INTU: variants seen among roughly 807,000 people sequenced by gnomAD.
INTU encodes the protein protein inturned.
A neutral mutation model predicts 100.5 loss-of-function variants in INTU; 68 were observed. The ratio of observed to expected loss-of-function variants is 0.68; its 90% CI spans 0.56 to 0.83. INTU has a LOEUF of 0.83. INTU is among the 40% of genes least tolerant of loss of function. The pLI is 0.00. For synonymous variants in INTU, 357 were observed against 395.7 expected, an observed-to-expected ratio of 0.90 and a Z score of 1.16; for missense variants, 1,071 against 1,114.7, an observed-to-expected ratio of 0.96 and a Z score of 0.56.
chr4:127,706,974 G>T lies in INTU; in HGVS notation c.2271+5G>T, dbSNP rs758040010. 1 of 1,607,890 alleles carries T rather than the reference G, an allele frequency of 6.2e-7. No individual in the cohort carries two copies. ...GAAAGTGGGACCTTGCTTAAGGTGT[G>T]TGCTTATTCAAGTGTGTATGTTCTG... is the stretch of plus-strand genomic sequence containing the variant. On this transcript the variant is annotated splice_donor_5th_base_variant and intron_variant, in intron 12 of 15. Transcript: ENST00000335251.
intron 9 of INTU, among the ~76,000 whole-genome samples, chr4:127,703,119 A>ATGCTAAGT (rs1730721005): frequency 6.6e-6 from 1 of 152,206 alleles, no homozygotes; most frequent in Non-Finnish European, 1.5e-5. Flanking sequence ...GCTTTAACTT[A>ATGCTAAGT]GCATAAATGG....
At chr4:127,713,000 G>C (rs1731147341) in intron 14 of INTU, among the ~76,000 whole-genome samples, 1 of 152,342 alleles carries the variant, frequency 6.6e-6, no homozygotes. Flanking sequence ...AGCAAACTGA[G>C]TGAGAAGAAA....
intron 2 of INTU, among the ~76,000 whole-genome samples, chr4:127,650,414 C>T (rs1727797044): frequency 6.9e-6 from 1 of 144,978 alleles, no homozygotes; most frequent in Non-Finnish European, 1.5e-5. Context: ...TGATGTTCCC[C>T]TTCCTGTGTC....
chr4:127,645,831 T>C (rs1227300458), intron 2 of INTU, among the ~76,000 whole-genome samples: 1 of 152,046 alleles, frequency 6.6e-6, no homozygotes, highest in African/African-American at 2.4e-5. Flanking sequence ...CACAAAGTGC[T>C]GGGATTACAG....
At chr4:127,647,310 G>A (rs1160119454) in intron 2 of INTU, among the ~76,000 whole-genome samples, 1 of 152,146 alleles carries the variant, frequency 6.6e-6, no homozygotes, top group African/African-American at 2.4e-5. Context: ...AAATCAAGGT[G>A]TCCACAGGGC....
intron 6 of INTU, among the ~76,000 whole-genome samples, chr4:127,679,788 C>T (rs1322925432): frequency 3.3e-5 from 5 of 151,250 alleles, no homozygotes; most frequent in African/African-American, 4.9e-5. Flanking sequence ...ACACAAAAAA[C>T]CCTTCAAAAA....
At chr4:127,674,647 C>T (rs1729089663) in intron 6 of INTU, among the ~76,000 whole-genome samples, 1 of 152,144 alleles carries the variant, frequency 6.6e-6, no homozygotes, top group Admixed American at 6.5e-5. Flanking sequence ...TCTAAAGTGA[C>T]TTCTCTAATG....
At chr4:127,690,973 C>G (rs1231307728) in intron 8 of INTU, among the ~76,000 whole-genome samples, 1 of 152,032 alleles carries the variant, frequency 6.6e-6, no homozygotes, top group Non-Finnish European at 1.5e-5. Flanking sequence ...GTTTCACAGC[C>G]CCAGAAATCC....
intron 15 of INTU, among the ~76,000 whole-genome samples, chr4:127,715,232 G>A (rs1346551610): frequency 6.6e-6 from 1 of 152,124 alleles, no homozygotes; most frequent in Non-Finnish European, 1.5e-5. Context: ...TTAAGTGAAA[G>A]ATCAAGTTGG....
At position 127,721,415 on chromosome 4, in the gene INTU, A is replaced by T. The variant is rs1423948713; in HGVS notation, c.*4979A>T. The T allele has an allele frequency of 6.6e-6, 1 of 151,842 alleles. No individual in the cohort carries two copies. Among genetic ancestry groups the T allele is most frequent in the Non-Finnish European group, 1.5e-5 (1 of 67,974 alleles). The allele number at this position is 151,842 out of a possible 1,614,324, so 9.4% of individuals were successfully genotyped here. A position where few individuals can be genotyped will look rare whatever the true frequency, so the allele number is the denominator to read the frequency against. On this transcript the variant is annotated 3_prime_UTR_variant, in exon 16 of 16. Transcript: ENST00000335251. ...GACTGCCCTTAACATTTTTTCCTTC[A>T]TTTCAGTCTTGGAGAATCTGATGAT...
intron 6 of INTU, among the ~76,000 whole-genome samples, chr4:127,677,914 C>A (rs1729307718): frequency 1.3e-5 from 2 of 152,260 alleles, no homozygotes; most frequent in African/African-American, 4.8e-5. Context: ...AAAGGAGCTG[C>A]TGGAGTGGAA....
Position 127,674,187 on chromosome 4 carries a change from G to A in INTU, c.1155G>A (p.Leu385=), listed in dbSNP as rs1251759862. 11 of 1,611,826 alleles carry A rather than the reference G, an allele frequency of 6.8e-6. No individual in the cohort carries two copies. Among genetic ancestry groups the A allele is most frequent in the Non-Finnish European group, 9.3e-6 (11 of 1,178,988 alleles). ...CTTATTGGAAAGAATCTGACAAGTT[G>A]TTGCTAATTGGCCTGCCTGCTGAAG... is the stretch of plus-strand genomic sequence containing the variant. ...HVAYWKESDK[L]LLIGLPAEEV... The change falls in exon 6 of 16, where the codon TTG becomes TTA. Residue 385 remains leucine, a synonymous_variant. Coordinates refer to ENST00000335251, the MANE Select transcript of INTU (RefSeq NM_015693.4).
intron 8 of INTU, among the ~76,000 whole-genome samples, chr4:127,689,986 C>T (rs965198440): frequency 3.9e-5 from 6 of 152,116 alleles, no homozygotes; most frequent in Admixed American, 6.6e-5. Flanking sequence ...TAGGTTCTTG[C>T]CCCTCTGTCA....
intron 3 of INTU, among the ~76,000 whole-genome samples, chr4:127,658,920 G>C (rs1702168388): frequency 6.6e-6 from 1 of 152,054 alleles, no homozygotes. Flanking sequence ...CCCTGAGCTT[G>C]TATTCCTGCA....
intron 2 of INTU, among the ~76,000 whole-genome samples, chr4:127,652,025 G>C (rs1727908412): frequency 6.8e-6 from 1 of 146,324 alleles, no homozygotes; most frequent in African/African-American, 2.6e-5. Flanking sequence ...CTGTTTGTCT[G>C]TTATTGGTGT....
At chr4:127,637,056 C>T (rs957303418) in intron 1 of INTU, among the ~76,000 whole-genome samples, 1 of 152,216 alleles carries the variant, frequency 6.6e-6, no homozygotes, top group South Asian at 2.1e-4. Flanking sequence ...ACATCATTAT[C>T]TCCTTACTCT....
At chr4:127,638,192 A>G (rs1265774318) in intron 1 of INTU, among the ~76,000 whole-genome samples, 1 of 152,224 alleles carries the variant, frequency 6.6e-6, no homozygotes, top group Non-Finnish European at 1.5e-5. Flanking sequence ...GATAGAATCC[A>G]TATTAATTTG....
intron 4 of INTU, among the ~76,000 whole-genome samples, chr4:127,667,067 A>C (rs1442407452): frequency 6.6e-6 from 1 of 152,210 alleles, no homozygotes; most frequent in Non-Finnish European, 1.5e-5. Context: ...TTTTTAAAAC[A>C]AATGAAATAT....
At chr4:127,657,898 A>G (rs1303493979) in intron 3 of INTU, among the ~76,000 whole-genome samples, 1 of 152,068 alleles carries the variant, frequency 6.6e-6, no homozygotes, top group African/African-American at 2.4e-5. Flanking sequence ...TGCTTGAATC[A>G]TCCTGAAACC....
Sources: gnomAD v4.1 joint callset for allele counts (sites outside exome capture counted in the v4.1 genomes callset) on GRCh38, gnomAD v4.1.1 for gene constraint, MANE v1.5 for transcripts, NCBI Gene and HGNC (gene_info 2026-07-23, HGNC 2026-07-21) for gene names.